Variants in BEST2 observed in about 807,000 individuals in gnomAD.
The protein encoded by BEST2 is bestrophin-2a.
Under a neutral mutation model 49.0 loss-of-function variants are expected in BEST2, and 36 were observed. The observed-to-expected ratio is 0.73, with a 90% CI of 0.56 to 0.97. The LOEUF is 0.97. BEST2 is among the 50% of genes least tolerant of loss of function. The pLI is 0.00. For synonymous variants in BEST2, 335 were observed against 304.4 expected (o/e 1.10, Z -1.05); for missense variants, 672 against 710.0 (o/e 0.95, Z 0.61).
chr19:12,755,077 G>T lies in BEST2; in HGVS notation c.636+46G>T, dbSNP rs762708628. ...ATTCATATAGAATACCAGGGAAATT[G>T]TACCCCTGGAGCTGTGTCAACGGCG... On this transcript the variant is annotated intron_variant, in intron 5 of 9. Coordinates refer to ENST00000553030, the MANE Select transcript of BEST2 (RefSeq NM_017682.3). The surrounding 1 kb of genome is among the most constrained non-coding windows in gnomAD (Gnocchi z 4.4). 2 of 1,557,260 alleles carry T rather than the reference G, an allele frequency of 1.3e-6. No homozygotes were observed. The highest frequency in any genetic ancestry group is 1.7e-6 in the Non-Finnish European group (2 of 1,155,818).
Position 12,757,792 on chromosome 19 carries a change from C to T in BEST2, c.1245C>T (p.Ser415=). ...VAGGPLGRRL[S]FLLRKNSCVS... Reference sequence around the variant, plus strand: ...GAGGCCCGCTGGGCCGGCGCCTGTCCTTTCTACTCCGCAAGAACAGCTGCG... The same window carrying T: ...GAGGCCCGCTGGGCCGGCGCCTGTCTTTTCTACTCCGCAAGAACAGCTGCG... Residue 415 remains serine (S), a synonymous_variant, in exon 10 of 10, where the codon TCC becomes TCT. Transcript: ENST00000553030. 6.5e-7 allele frequency: 1 copy of T among 1,547,898 alleles called. No homozygotes were observed. The highest frequency in any genetic ancestry group is 8.7e-7 in the Non-Finnish European group (1 of 1,146,474).
In BEST2 at chr19:12,755,969, G is replaced by A; in HGVS notation, c.948+34G>A. 1 of 1,607,748 alleles carries A rather than the reference G, an allele frequency of 6.2e-7. No individual in the cohort carries two copies. The highest frequency in any genetic ancestry group is 8.5e-7 in the Non-Finnish European group (1 of 1,174,256). ...CAGTTTCCAGGTGAGACTTCCAGGTGGCGACCATCCCGGAGTGCCCAACAG... is the reference window on the plus strand; with the variant it reads ...CAGTTTCCAGGTGAGACTTCCAGGTAGCGACCATCCCGGAGTGCCCAACAG... On this transcript the variant is annotated intron_variant, in intron 8 of 9. Transcript: ENST00000553030. This position sits in a 1 kb window ranked among gnomAD's most constrained non-coding sequence, Gnocchi z 4.4.
chr19:12,756,674 C>T lies in BEST2; in HGVS notation c.1103+379C>T, dbSNP rs188258109. 4.1e-5 allele frequency: 9 copies of T among 220,868 alleles called. No individual in the cohort carries two copies. The Admixed American group carries it at 4.1e-4, about 10-fold the overall frequency. 13.7% of individuals were successfully genotyped at this position (220,868 alleles called of 1,614,324 possible). A position where few individuals can be genotyped will look rare whatever the true frequency, so the allele number is the denominator to read the frequency against. Reference sequence around the variant, plus strand: ...CCAGCCTGGGCAACATAGTGAGACCCCCGTCTCTACTAAAAATAAAAAATT... The same window carrying T: ...CCAGCCTGGGCAACATAGTGAGACCTCCGTCTCTACTAAAAATAAAAAATT... On this transcript the variant is annotated intron_variant, in intron 9 of 9. Transcript: ENST00000553030.
Position 12,755,231 on chromosome 19 carries a change from C to T in BEST2, c.637-148C>T. ...GCATGGTACCTCATCCAGGTGCACACTCACCACCAAATACCCTCCCTGGAA... is the reference window on the plus strand; with the variant it reads ...GCATGGTACCTCATCCAGGTGCACATTCACCACCAAATACCCTCCCTGGAA... On this transcript the variant is annotated intron_variant, in intron 5 of 9. Coordinates refer to ENST00000553030, the MANE Select transcript of BEST2 (RefSeq NM_017682.3). This position sits in a 1 kb window ranked among gnomAD's most constrained non-coding sequence, Gnocchi z 4.4. The T allele has an allele frequency of 9.6e-7, 1 of 1,036,980 alleles. No homozygotes were observed. Among genetic ancestry groups the T allele is most frequent in the Non-Finnish European group, 1.4e-6 (1 of 699,816 alleles). The allele number at this position is 1,036,980 out of a possible 1,614,324, so 64.2% of individuals were successfully genotyped here.
Position 12,754,940 on chromosome 19 carries a change from G to T in BEST2, c.545G>T (p.Trp182Leu), listed in dbSNP as rs1568352644. Residue 182 changes from tryptophan to leucine, a missense_variant, in exon 5 of 10, where the codon TGG becomes TTG. This residue lies in a region of BEST2 where 365 missense variants were observed against 390.9 expected (regional missense o/e 0.93). Transcript: ENST00000553030. ...CTGAACTCATCCTACAACAAGTACT[G>T]GGTGCCCTGCGTCTGGTTCTCCAAC... ...ENLNSSYNKY[W>L]VPCVWFSNLA... 1 of 1,613,922 alleles carries T rather than the reference G, an allele frequency of 6.2e-7. No homozygotes were observed. Among genetic ancestry groups the T allele is most frequent in the Non-Finnish European group, 8.5e-7 (1 of 1,179,914 alleles).
In BEST2 at chr19:12,755,752, C is replaced by T. The variant is rs371006300; in HGVS notation, c.852C>T (p.Tyr284=). The T allele has an allele frequency of 3.1e-5, 50 of 1,614,104 alleles. No individual in the cohort carries two copies. The highest frequency in any genetic ancestry group is 8.3e-5 in the Admixed American group (5 of 60,000). The part of the protein sequence containing the change: ...PIFTLLQFFF[Y]AGWLKVAEQL... ...TCACCCTCTTGCAGTTCTTCTTCTA[C>T]GCCGGCTGGCTCAAGGTAGGTGGGT... Residue 284 remains tyrosine (Y), a synonymous_variant, in exon 7 of 10, where the codon TAC becomes TAT. Transcript: ENST00000553030. The surrounding 1 kb of genome is among the most constrained non-coding windows in gnomAD (Gnocchi z 4.4).
chr19:12,755,284 C>T lies in BEST2; in HGVS notation c.637-95C>T, dbSNP rs575448997. On this transcript the variant is annotated intron_variant, in intron 5 of 9. Transcript: ENST00000553030. This position sits in a 1 kb window ranked among gnomAD's most constrained non-coding sequence, Gnocchi z 4.4. ...CCCAAAGCACACTCCCAATTCCCAC[C>T]AGGTGACCACCCACCTCCATCCCAC... 7.4e-7 allele frequency: 1 copy of T among 1,343,208 alleles called. No individual in the cohort carries two copies. Among genetic ancestry groups the T allele is most frequent in the South Asian group, 1.2e-5 (1 of 82,314 alleles). 83.2% of individuals were successfully genotyped at this position (1,343,208 alleles called of 1,614,324 possible).
Position 12,758,016 on chromosome 19 carries a change from G to A in BEST2, c.1469G>A (p.Arg490Gln), listed in dbSNP as rs1967967696. The change falls in exon 10 of 10, where the codon CGG becomes CAG. Residue 490 changes from arginine (R) to glutamine (Q), a missense_variant. Physicochemically the swap from Arg to Gln is conservative, Grantham distance 43. Around this residue, in one of 3 missense-constraint regions of BEST2, gnomAD observed 291 missense variants for 279.8 expected, o/e 1.04. Coordinates refer to ENST00000553030, the MANE Select transcript of BEST2 (RefSeq NM_017682.3). ...AGCATCGTGACCATGCCCGGGCCCC[G>A]GGGTCCGGCGCCACCCTGGCTGCCC... The part of the protein sequence containing the change: ...PFSIVTMPGP[R>Q]GPAPPWLPSP... 5 of 1,612,820 alleles carry A rather than the reference G, an allele frequency of 3.1e-6. No individual in the cohort carries two copies. Among genetic ancestry groups the A allele is most frequent in the Non-Finnish European group, 4.2e-6 (5 of 1,179,900 alleles).
intron 1 of BEST2, 82 bp from the exon 2 acceptor site, chr19:12,752,460 A>G: frequency 1.1e-6 from 1 of 940,358 alleles, no homozygotes; most frequent in Admixed American, 2.1e-5. Flanking sequence ...GGCAAGGGTC[A>G]GGACTGAAGG....
chr19:12,753,988 A>G (rs1012953457), intron 3 of BEST2, among the ~76,000 whole-genome samples: 4 of 146,410 alleles, frequency 2.7e-5, no homozygotes, highest in East Asian at 2.0e-4. Context: ...CTGTGCCTCT[A>G]TCCCCATACT....
At chr19:12,756,510 G>A in intron 9 of BEST2, 1 of 650,430 alleles carries the variant, frequency 1.5e-6, no homozygotes, top group Admixed American at 3.0e-5. Flanking sequence ...AAGGGCTGAG[G>A]TCAGCGAGGA....
chr19:12,758,199 T>A lies in BEST2; in HGVS notation c.*122T>A, dbSNP rs1250154137. ...AAGTCCACCTACACTTTTGACCAGC[T>A]CTCGCTGCCCGCATGTGTTTGGCGC... On this transcript the variant is annotated 3_prime_UTR_variant, in exon 10 of 10. Coordinates refer to ENST00000553030, the MANE Select transcript of BEST2 (RefSeq NM_017682.3). 3.5e-5 allele frequency: 42 copies of A among 1,214,232 alleles called. No homozygotes were observed. Among genetic ancestry groups the A allele is most frequent in the Non-Finnish European group, 4.7e-5 (41 of 875,396 alleles). The allele number at this position is 1,214,232 out of a possible 1,614,324, so 75.2% of individuals were successfully genotyped here.
At position 12,755,994 on chromosome 19, in the gene BEST2, G is replaced by A; in HGVS notation, c.948+59G>A. The A allele has an allele frequency of 1.3e-6, 2 of 1,596,176 alleles. No homozygotes were observed. The highest frequency in any genetic ancestry group is 8.6e-7 in the Non-Finnish European group (1 of 1,164,320). On this transcript the variant is annotated intron_variant, in intron 8 of 9. Coordinates refer to ENST00000553030, the MANE Select transcript of BEST2 (RefSeq NM_017682.3). The surrounding 1 kb of genome is among the most constrained non-coding windows in gnomAD (Gnocchi z 4.4). The stretch of plus-strand genomic sequence containing the variant: ...GGCGACCATCCCGGAGTGCCCAACA[G>A]GGTTCTGGTCCCACCCCTGCCAAGT...
intron 2 of BEST2, 24 bp downstream of exon 2, chr19:12,752,768 T>C (rs369397456): frequency 1.0e-4 from 164 of 1,594,320 alleles, no homozygotes; most frequent in Non-Finnish European, 1.4e-4. Context: ...GAGGTGCTCA[T>C]GTTCTAGCGG....
chr19:12,752,779 A>AG (rs1555723744), intron 2 of BEST2, 35 bp downstream of exon 2: 70 of 1,562,980 alleles, frequency 4.5e-5, no homozygotes, highest in Middle Eastern at 4.7e-4. Flanking sequence ...GTTCTAGCGG[A>AG]GGGGGGGCAG....
At chr19:12,756,099 G>C (rs749503901) in intron 8 of BEST2, 42 bp from the exon 9 acceptor site, 10 of 1,612,588 alleles carry the variant, frequency 6.2e-6, no homozygotes, top group Non-Finnish European at 8.5e-6. Context: ...GTCCCGGCGG[G>C]TTGCCCTGCC....
At chr19:12,753,949 A>T (rs1967902718) in intron 3 of BEST2, among the ~76,000 whole-genome samples, 2 of 151,560 alleles carry the variant, frequency 1.3e-5, no homozygotes, top group Admixed American at 6.6e-5. Context: ...AGCAAGCAAC[A>T]GTCTGCCCAC....
intron 1 of BEST2, among the ~76,000 whole-genome samples, chr19:12,752,189 G>A (rs1264207112): frequency 6.6e-6 from 1 of 151,956 alleles, no homozygotes; most frequent in Admixed American, 6.6e-5. Context: ...TGGGAGAGGT[G>A]GAGCCTTGAG....
intron 9 of BEST2, 155 bp downstream of exon 9, chr19:12,756,450 A>C (rs1023748501): frequency 9.4e-7 from 1 of 1,065,274 alleles, no homozygotes; most frequent in African/African-American, 1.6e-5. Flanking sequence ...GATAGGAGTC[A>C]GGGGACAAGG....
Sources: gnomAD v4.1 joint callset for allele counts (sites outside exome capture counted in the v4.1 genomes callset) on GRCh38, gnomAD v4.1.1 for gene constraint, gnomAD v4.1.1 regional missense constraint, Gnocchi (gnomAD v3.1) non-coding constraint, MANE v1.5 for transcripts, NCBI Gene and HGNC (gene_info 2026-07-23, HGNC 2026-07-21) for gene names.